ABHD12B: variants seen among roughly 807,000 people sequenced by gnomAD.
ABHD12B encodes the protein abhydrolase domain containing 12B.
In ABHD12B, 42 loss-of-function variants were observed where a neutral mutation model predicts 50.4. The observed-to-expected ratio is 0.83, with a 90% CI of 0.65 to 1.08. The LOEUF (loss-of-function observed/expected upper bound fraction) is 1.08, where lower values mean the gene tolerates loss of function less well. ABHD12B is among the 50% of genes least tolerant of loss of function. ABHD12B has a pLI of 0.00. For missense variants in ABHD12B, 479 were observed against 447.7 expected, an observed-to-expected ratio of 1.07 and a Z score of -0.63; for synonymous variants, 167 against 160.3, an observed-to-expected ratio of 1.04 and a Z score of -0.32.
At chr14:50,900,705 G>A (rs1387001512) in intron 9 of ABHD12B, among the ~76,000 whole-genome samples, 1 of 152,186 alleles carries the variant, frequency 6.6e-6, no homozygotes, top group Non-Finnish European at 1.5e-5. Context: ...AAAGGCAAGC[G>A]CCTTGAGGTG....
At position 50,903,251 on chromosome 14, in the gene ABHD12B, TG is replaced by T; in HGVS notation, c.864-137del. On this transcript the variant is annotated intron_variant, in intron 10 of 12. Transcript: ENST00000337334. ...TGTGAAATTTTTAAATGTATGATAT[TG>T]TTATTCCTTGGAAGGAAGGAAAGAA... The T allele has an allele frequency of 5.1e-6, 3 of 587,858 alleles. No homozygotes were observed. In the South Asian group the frequency reaches 6.9e-5, roughly 14 times the overall value. 36.4% of individuals were successfully genotyped at this position (587,858 alleles called of 1,614,324 possible).
chr14:50,877,866 C>CAAAAAA, intron 1 of ABHD12B, 86 bp from the exon 2 acceptor site: 41 of 1,210,334 alleles, frequency 3.4e-5, no homozygotes, highest in South Asian at 7.5e-5. Flanking sequence ...GAACTCTGTC[C>CAAAAAA]AAAAAAAAAC....
At chr14:50,874,237 A>G (rs1405039640) in intron 1 of ABHD12B, among the ~76,000 whole-genome samples, 1 of 152,180 alleles carries the variant, frequency 6.6e-6, no homozygotes, top group East Asian at 1.9e-4. Context: ...TTTTTATCAA[A>G]TCCAGTTGCT....
At chr14:50,879,068 C>T (rs1029961915) in intron 3 of ABHD12B, among the ~76,000 whole-genome samples, 1 of 152,172 alleles carries the variant, frequency 6.6e-6, no homozygotes, top group Non-Finnish European at 1.5e-5. Flanking sequence ...CTTCTGGCCT[C>T]ACCCATCCCT....
chr14:50,876,243 T>C (rs1049230069), intron 1 of ABHD12B, among the ~76,000 whole-genome samples: 1 of 152,250 alleles, frequency 6.6e-6, no homozygotes, highest in Admixed American at 6.5e-5. Context: ...CAGCGTATGA[T>C]GTATTCAAAA....
chr14:50,880,471 CG>C lies in ABHD12B; in HGVS notation c.361del (p.Glu121LysfsTer38). 6 of 1,608,958 alleles carry C rather than the reference CG, an allele frequency of 3.7e-6. No individual in the cohort carries two copies. The highest frequency in any genetic ancestry group is 2.2e-5 in the East Asian group (1 of 44,478). ...LGIWHTVPSC[R>X]GEDAKGKDCC... ...CTTCAGGCACACAGTCCCCAGCTGCCGGGGGGAAGATGCCAAGGGGAAGGAC... is the reference window on the plus strand; with the variant it reads ...CTTCAGGCACACAGTCCCCAGCTGCCGGGGGAAGATGCCAAGGGGAAGGAC... On this transcript the variant is annotated frameshift_variant, in exon 4 of 13. Coordinates refer to ENST00000337334, the MANE Select transcript of ABHD12B (RefSeq NM_001206673.2).
At chr14:50,895,571 C>T (rs1660910) in intron 9 of ABHD12B, 3 of 152,190 alleles carry the variant, frequency 2.0e-5, no homozygotes, top group Admixed American at 6.5e-5. Flanking sequence ...CAGCCACTCC[C>T]AGAGCCCCTG....
chr14:50,875,925 A>C (rs1009116069), intron 1 of ABHD12B, among the ~76,000 whole-genome samples: 1 of 152,154 alleles, frequency 6.6e-6, no homozygotes, highest in Non-Finnish European at 1.5e-5. Flanking sequence ...GCCTACCTTC[A>C]AAAGACAGCT....
chr14:50,896,700 A>T (rs1479852969), intron 9 of ABHD12B, among the ~76,000 whole-genome samples: 1 of 151,694 alleles, frequency 6.6e-6, no homozygotes, highest in Non-Finnish European at 1.5e-5. Flanking sequence ...TGCCCACCAG[A>T]GAGCAACCCC....
intron 1 of ABHD12B, 36 bp downstream of exon 1, chr14:50,872,314 G>T: frequency 2.4e-6 from 3 of 1,248,490 alleles, no homozygotes; most frequent in Non-Finnish European, 3.0e-6. Context: ...GCCGGGCCCC[G>T]ACGGCTCAGG....
chr14:50,898,875 C>G (rs183060808), intron 9 of ABHD12B, among the ~76,000 whole-genome samples: 1 of 152,170 alleles, frequency 6.6e-6, no homozygotes, highest in Non-Finnish European at 1.5e-5. Flanking sequence ...CCAAAAAGTT[C>G]AGGCCAGACA....
At chr14:50,902,929 T>C (rs913037144) in intron 10 of ABHD12B, among the ~76,000 whole-genome samples, 2 of 152,242 alleles carry the variant, frequency 1.3e-5, no homozygotes. Context: ...TGGAGAAAAG[T>C]AAACAAATTG....
At chr14:50,872,728 C>A (rs1461718796) in intron 1 of ABHD12B, among the ~76,000 whole-genome samples, 1 of 152,148 alleles carries the variant, frequency 6.6e-6, no homozygotes, top group Non-Finnish European at 1.5e-5. Context: ...GGAAAAGAAT[C>A]AGAAAATCCG....
intron 7 of ABHD12B, among the ~76,000 whole-genome samples, chr14:50,886,164 G>T (rs138820315): frequency 2.3e-3 from 344 of 152,242 alleles, no homozygotes; most frequent in African/African-American, 7.4e-3. Context: ...TTGGCCAGGC[G>T]GGGTAGCTCA....
intron 8 of ABHD12B, 80 bp from the exon 9 acceptor site, chr14:50,888,744 C>G (rs1566489455): frequency 1.6e-6 from 2 of 1,276,748 alleles, no homozygotes; most frequent in African/African-American, 1.5e-5. Flanking sequence ...TGTACAAGAT[C>G]TTGAATACCC....
chr14:50,893,438 C>G (rs2142757651), intron 9 of ABHD12B: 1 of 152,400 alleles, frequency 6.6e-6, no homozygotes, highest in Middle Eastern at 3.4e-3. Flanking sequence ...AGAGAACAAC[C>G]CCCTTTGACT....
chr14:50,896,663 C>CACCTTA (rs2050204032), intron 9 of ABHD12B, among the ~76,000 whole-genome samples: 4 of 150,808 alleles, frequency 2.7e-5, no homozygotes, highest in African/African-American at 9.7e-5. Context: ...GAAGCTCCCC[C>CACCTTA]ACTGAGCACC....
chr14:50,880,437 T>A lies in ABHD12B; in HGVS notation c.336-15T>A. The A allele has an allele frequency of 6.3e-7, 1 of 1,584,644 alleles. No homozygotes were observed. The highest frequency in any genetic ancestry group is 8.6e-7 in the Non-Finnish European group (1 of 1,167,854). On this transcript the variant is annotated splice_polypyrimidine_tract_variant and intron_variant, in intron 3 of 12. Transcript: ENST00000337334. The stretch of plus-strand genomic sequence containing the variant: ...TCCTCTTTCTACATTTGTTTAAACC[T>A]CCCTTGCTCTTCAGGCACACAGTCC...
chr14:50,877,893 A>G, intron 1 of ABHD12B, 59 bp from the exon 2 acceptor site: 6 of 1,450,910 alleles, frequency 4.1e-6, no homozygotes, highest in Non-Finnish European at 2.7e-6. Context: ...AAAGAAAAAA[A>G]CAAACCAAGA....
Sources: gnomAD v4.1 joint callset for allele counts (sites outside exome capture counted in the v4.1 genomes callset) on GRCh38, gnomAD v4.1.1 for gene constraint, MANE v1.5 for transcripts, NCBI Gene and HGNC (gene_info 2026-07-23, HGNC 2026-07-21) for gene names.